Variants in PRKCQ observed in about 807,000 individuals in gnomAD.
PRKCQ encodes protein kinase C theta type.
In PRKCQ, 41 loss-of-function variants were observed where a neutral mutation model predicts 91.2. The observed-to-expected ratio is 0.45, with a 90% CI of 0.35 to 0.58. The LOEUF is 0.58. PRKCQ is among the 20% of genes least tolerant of loss of function. PRKCQ has a pLI of 0.00. For synonymous variants in PRKCQ, 307 were observed against 316.9 expected, an observed-to-expected ratio of 0.97 and a Z score of 0.33; for missense variants, 673 against 896.5, an observed-to-expected ratio of 0.75 and a Z score of 3.18.
At chr10:6,530,751 G>T (rs1839363910) in intron 1 of PRKCQ, among the ~76,000 whole-genome samples, 1 of 152,206 alleles carries the variant, frequency 6.6e-6, no homozygotes, top group Non-Finnish European at 1.5e-5. Flanking sequence ...GCAGTTGTTT[G>T]GGGTTTAGAA....
At position 6,497,674 on chromosome 10, in the gene PRKCQ, C is replaced by T. The variant is rs1837692560; in HGVS notation, c.543-423G>A. Among the ~76,000 whole-genome samples the T allele has an allele frequency of 6.6e-6, 1 of 152,188 alleles. No individual in the cohort carries two copies. The highest frequency in any genetic ancestry group is 2.4e-5 in the African/African-American group (1 of 41,434). ...TGAGAATATTTGCAACCAACAAAGT[C>T]TCACATGCAGGACCGATTCCTGAGT... On this transcript the variant is annotated intron_variant, in intron 5 of 17. Coordinates refer to ENST00000263125, the MANE Select transcript of PRKCQ (RefSeq NM_006257.5). This position sits in a 1 kb window ranked among gnomAD's most constrained non-coding sequence, Gnocchi z 4.5.
At chr10:6,456,856 T>A in intron 14 of PRKCQ, 44 bp from the exon 15 acceptor site, 5 of 1,604,696 alleles carry the variant, frequency 3.1e-6, no homozygotes, top group Non-Finnish European at 3.4e-6. Flanking sequence ...ATCAATATAA[T>A]TTGGTTAACA....
intron 1 of PRKCQ, among the ~76,000 whole-genome samples, chr10:6,557,999 T>A (rs534659103): frequency 2.0e-5 from 3 of 152,340 alleles, no homozygotes; most frequent in African/African-American, 4.8e-5. Context: ...CTCTTAATAA[T>A]TTCATGATTC....
At chr10:6,480,740 T>C (rs895384152) in intron 11 of PRKCQ, among the ~76,000 whole-genome samples, 8 of 152,350 alleles carry the variant, frequency 5.3e-5, no homozygotes, top group African/African-American at 1.7e-4. Context: ...GTTTCTGTTA[T>C]TGACTTTTGG....
At chr10:6,573,888 G>A (rs1341610951) in intron 1 of PRKCQ, among the ~76,000 whole-genome samples, 3 of 152,174 alleles carry the variant, frequency 2.0e-5, no homozygotes, top group African/African-American at 4.8e-5. Flanking sequence ...AGGCCAAGGC[G>A]GGCAGATCAC....
intron 1 of PRKCQ, among the ~76,000 whole-genome samples, chr10:6,556,434 G>A (rs10752355): frequency 0.23 from 2,801 of 12,196 alleles, 684 homozygotes; most frequent in Middle Eastern, 0.57. Flanking sequence ...CCTGTCTTGG[G>A]AAAAAAAAAA....
the PRKCQ span, among the ~76,000 whole-genome samples, chr10:6,407,607 G>A: frequency 6.7e-6 from 1 of 150,196 alleles, no homozygotes; most frequent in African/African-American, 2.4e-5. The surrounding 1 kb of genome is among the most constrained non-coding windows in gnomAD (Gnocchi z 4.0). Flanking sequence ...CATGGGACAT[G>A]CACATCTGTG....
the PRKCQ span, among the ~76,000 whole-genome samples, chr10:6,418,899 TACTC>T: frequency 0.38 from 57,864 of 151,584 alleles, 13,346 homozygotes; most frequent in East Asian, 0.76. Flanking sequence ...ATCCATCTAT[TACTC>T]ATCCATCCAT....
In PRKCQ at chr10:6,480,228, C is replaced by T. The variant is rs536768916; in HGVS notation, c.1180-1063G>A. Among the ~76,000 whole-genome samples, 18 of 152,280 alleles carry T rather than the reference C, an allele frequency of 1.2e-4. No homozygotes were observed. In the South Asian group the frequency reaches 3.7e-3, roughly 32 times the overall value. Reference sequence around the variant, plus strand: ...GTCATACACTCTGCTACCTACTTTACACTTACGACCTAATTGTATTATCTA... The same window carrying T: ...GTCATACACTCTGCTACCTACTTTATACTTACGACCTAATTGTATTATCTA... On this transcript the variant is annotated intron_variant, in intron 11 of 17. Transcript: ENST00000263125.
intron 15 of PRKCQ, among the ~76,000 whole-genome samples, chr10:6,442,895 G>A (rs1363038523): frequency 6.6e-6 from 1 of 152,142 alleles, no homozygotes; most frequent in East Asian, 1.9e-4. Context: ...CTGGGAGGCA[G>A]TGGTTGCAGT....
chr10:6,575,908 C>T (rs576330861), intron 1 of PRKCQ, among the ~76,000 whole-genome samples: 11 of 151,234 alleles, frequency 7.3e-5, no homozygotes, highest in South Asian at 2.1e-4. Context: ...GGTGTGGCAG[C>T]GCGTGCCTAT....
chr10:6,413,860 C>T, the PRKCQ span, among the ~76,000 whole-genome samples: 1 of 152,008 alleles, frequency 6.6e-6, no homozygotes, highest in South Asian at 2.1e-4. Flanking sequence ...CTGGATTAAA[C>T]AGCTAAAAGA....
At chr10:6,434,438 C>T (rs1833594086) in intron 16 of PRKCQ, among the ~76,000 whole-genome samples, 1 of 152,116 alleles carries the variant, frequency 6.6e-6, no homozygotes, top group Admixed American at 6.5e-5. Flanking sequence ...CAGCTCTGAG[C>T]GTCAATATTC....
At chr10:6,552,082 CTTTTTTT>C (rs1840208288) in intron 1 of PRKCQ, among the ~76,000 whole-genome samples, 1 of 152,114 alleles carries the variant, frequency 6.6e-6, no homozygotes, top group African/African-American at 2.4e-5. Flanking sequence ...TGATAGTGAA[CTTTTTTT>C]CATATGCTTG....
chr10:6,579,125 A>T (rs1202598181), intron 1 of PRKCQ, among the ~76,000 whole-genome samples: 2 of 152,256 alleles, frequency 1.3e-5, no homozygotes, highest in Non-Finnish European at 2.9e-5. Context: ...GAGTTGACAG[A>T]AAGCATGGGC....
At chr10:6,496,910 A>C in intron 7 of PRKCQ, 125 bp downstream of exon 7, 2 of 854,416 alleles carry the variant, frequency 2.3e-6, no homozygotes, top group Non-Finnish European at 3.8e-6. Context: ...AGTTTTGGGG[A>C]GATGGATGTT....
chr10:6,432,962 T>C (rs1316617262), intron 16 of PRKCQ, among the ~76,000 whole-genome samples: 2 of 152,178 alleles, frequency 1.3e-5, no homozygotes, highest in East Asian at 3.9e-4. Context: ...TCACCCCCTT[T>C]TCCTTGTGAA....
intron 7 of PRKCQ, among the ~76,000 whole-genome samples, chr10:6,495,675 C>T (rs995320135): frequency 4.6e-5 from 7 of 152,086 alleles, no homozygotes; most frequent in African/African-American, 9.7e-5. Context: ...TGGAAGAATG[C>T]GGTATCTTCC....
intron 1 of PRKCQ, among the ~76,000 whole-genome samples, chr10:6,541,670 T>C (rs928755577): frequency 1.5e-4 from 23 of 152,220 alleles, no homozygotes; most frequent in African/African-American, 5.3e-4. Flanking sequence ...AAGTCCATGT[T>C]GAGACCTACT....
Sources: allele counts gnomAD v4.1 joint callset (sites outside exome capture counted in the v4.1 genomes callset), GRCh38; gene constraint gnomAD v4.1.1; non-coding constraint Gnocchi (gnomAD v3.1); transcripts MANE v1.5; gene names NCBI Gene and HGNC (gene_info 2026-07-23, HGNC 2026-07-21).